Variants in APOLD1 observed in about 807,000 individuals in gnomAD.
APOLD1 encodes the protein apolipoprotein L domain-containing protein 1.
A neutral mutation model predicts 15.3 loss-of-function variants in APOLD1; 22 were observed. The observed-to-expected ratio is 1.44, with a 90% confidence interval of 1.03 to 2.05. The LOEUF is 2.05. APOLD1 is among the 30% of genes most tolerant of loss of function. The pLI, the probability that APOLD1 is intolerant of heterozygous loss-of-function variation, is 0.00. For synonymous variants in APOLD1, 190 were observed against 167.4 expected, an observed-to-expected ratio of 1.13 and a Z score of -1.04; for missense variants, 394 against 353.5, an observed-to-expected ratio of 1.11 and a Z score of -0.92.
At chr12:12,774,570 AAAAAG>A (rs1947015728) in intron 1 of APOLD1, among the ~76,000 whole-genome samples, 52 of 115,450 alleles carry the variant, frequency 4.5e-4, no homozygotes, top group East Asian at 8.3e-4. Context: ...AAAAAAAAAA[AAAAAG>A]AAAGAAAAGA....
chr12:12,786,554 G>C (rs1947125765), intron 1 of APOLD1: 1 of 573,244 alleles, frequency 1.7e-6, no homozygotes, highest in African/African-American at 2.0e-5. Flanking sequence ...TAGAGCAAAG[G>C]CCTCAGTACT....
chr12:12,769,274 TA>T (rs1946966472), intron 1 of APOLD1, among the ~76,000 whole-genome samples: 1 of 131,360 alleles, frequency 7.6e-6, no homozygotes, highest in African/African-American at 2.8e-5. Flanking sequence ...TCTTAGCAAG[TA>T]AAAAGCTGAG....
chr12:12,750,665 A>G (rs1259196369), intron 1 of APOLD1, among the ~76,000 whole-genome samples: 2 of 151,696 alleles, frequency 1.3e-5, no homozygotes, highest in African/African-American at 2.4e-5. Context: ...TACTTTTGTC[A>G]TGTAATCTCA....
At chr12:12,772,950 G>T (rs1163688465) in intron 1 of APOLD1, among the ~76,000 whole-genome samples, 2 of 152,064 alleles carry the variant, frequency 1.3e-5, no homozygotes, top group Non-Finnish European at 2.9e-5. Flanking sequence ...AGGCATGGTG[G>T]TGCACTCCTG....
At chr12:12,746,646 T>C (rs1592294034) in intron 1 of APOLD1, among the ~76,000 whole-genome samples, 1 of 152,188 alleles carries the variant, frequency 6.6e-6, no homozygotes, top group East Asian at 1.9e-4. Context: ...TCTAATTTTT[T>C]TTAAATTTCA....
chr12:12,785,596 G>A, upstream of APOLD1: 1 of 1,612,632 alleles, frequency 6.2e-7, no homozygotes, highest in African/African-American at 1.3e-5. Context: ...ATGAGACAAG[G>A]CTTTCCCAGG....
intron 1 of APOLD1, among the ~76,000 whole-genome samples, chr12:12,736,552 TAA>T (rs1190614719): frequency 6.6e-6 from 1 of 152,046 alleles, no homozygotes; most frequent in Non-Finnish European, 1.5e-5. Flanking sequence ...TAAAATAAAA[TAA>T]GAGAGTGACT....
At chr12:12,734,235 C>T (rs527824918) in intron 1 of APOLD1, among the ~76,000 whole-genome samples, 10 of 152,314 alleles carry the variant, frequency 6.6e-5, no homozygotes, top group African/African-American at 2.4e-4. Context: ...TTACTGGTAA[C>T]ATGATCCCAA....
At chr12:12,764,736 C>T (rs753751361) in intron 1 of APOLD1, 3 of 503,030 alleles carry the variant, frequency 6.0e-6, no homozygotes, top group South Asian at 4.5e-5. Flanking sequence ...GCCACTCATA[C>T]ACCTTTATGT....
chr12:12,756,894 C>T (rs1946861069), intron 1 of APOLD1, among the ~76,000 whole-genome samples: 1 of 152,178 alleles, frequency 6.6e-6, no homozygotes, highest in Non-Finnish European at 1.5e-5. Context: ...TCAAGTGATT[C>T]TCCTGCCTCT....
intron 1 of APOLD1, among the ~76,000 whole-genome samples, chr12:12,746,096 C>G (rs10505768): frequency 0.61 from 92,634 of 151,990 alleles, 28,724 homozygotes; most frequent in East Asian, 0.69. Context: ...CTATTTCATC[C>G]GAGTCTGGAA....
Position 12,788,227 on chromosome 12 carries a change from A to G in APOLD1, c.*575A>G, listed in dbSNP as rs1394763047. ...TCTTCCCTTTCCCCTCAGCTTACTT[A>G]CTCCCAGATGCGGCCTGGGTATGAA... On this transcript the variant is annotated 3_prime_UTR_variant, in exon 2 of 2. Transcript: ENST00000356591. The G allele has an allele frequency of 6.6e-6, 1 of 151,898 alleles. No individual in the cohort carries two copies. The highest frequency in any genetic ancestry group is 6.6e-5 in the Admixed American group (1 of 15,220). 9.4% of individuals were successfully genotyped at this position (151,898 alleles called of 1,614,324 possible). A position where few individuals can be genotyped will look rare whatever the true frequency, so the allele number is the denominator to read the frequency against.
At chr12:12,756,823 A>T (rs142196820) in intron 1 of APOLD1, among the ~76,000 whole-genome samples, 1,555 of 151,818 alleles carry the variant, frequency 0.01, 98 homozygotes, top group Admixed American at 0.085. Context: ...GTCTTGCTCT[A>T]TTGCCCAGGC....
intron 1 of APOLD1, among the ~76,000 whole-genome samples, chr12:12,754,053 A>G (rs1423608896): frequency 6.6e-6 from 1 of 151,588 alleles, no homozygotes; most frequent in Non-Finnish European, 1.5e-5. Context: ...TGTCTGTACT[A>G]AAAATACAAA....
At chr12:12,758,092 C>CTT (rs201265384) in intron 1 of APOLD1, among the ~76,000 whole-genome samples, 6 of 111,350 alleles carry the variant, frequency 5.4e-5, no homozygotes, top group South Asian at 7.2e-4. Context: ...TGATGCCTGG[C>CTT]TTTTTTTCTT....
intron 1 of APOLD1, among the ~76,000 whole-genome samples, chr12:12,736,669 T>G (rs1430533019): frequency 6.6e-6 from 1 of 152,200 alleles, no homozygotes; most frequent in Non-Finnish European, 1.5e-5. Flanking sequence ...GGAAAGAAAG[T>G]TCAAGCTTTC....
chr12:12,755,831 A>T, intron 1 of APOLD1, among the ~76,000 whole-genome samples: 1 of 152,186 alleles, frequency 6.6e-6, no homozygotes, highest in Non-Finnish European at 1.5e-5. Flanking sequence ...AAAGAGTGAG[A>T]CTCTGTCTCA....
intron 1 of APOLD1, among the ~76,000 whole-genome samples, chr12:12,761,213 A>C (rs750480950): frequency 1.1e-4 from 17 of 152,216 alleles, no homozygotes; most frequent in Non-Finnish European, 2.2e-4. Flanking sequence ...ACAGTTAGAA[A>C]TTGTTCTCTT....
intron 1 of APOLD1, among the ~76,000 whole-genome samples, chr12:12,772,996 T>C (rs1212011383): frequency 6.6e-6 from 1 of 152,132 alleles, no homozygotes. Context: ...GGAGGATCAC[T>C]TGAGCCCAGG....
Sources: gnomAD v4.1 joint callset for allele counts (sites outside exome capture counted in the v4.1 genomes callset) on GRCh38, gnomAD v4.1.1 for gene constraint, MANE v1.5 for transcripts, NCBI Gene and HGNC (gene_info 2026-07-23, HGNC 2026-07-21) for gene names.